Variants in ZNF630 observed in about 807,000 individuals in gnomAD.
ZNF630 encodes the protein dJ54B20.2 (novel KRAB box containing C2H2 type zinc finger protein).
Under a neutral mutation model 7.2 loss-of-function variants are expected in ZNF630, and 5 were observed. That is an observed-to-expected ratio of 0.70 (90% CI 0.36 to 1.46). The LOEUF (loss-of-function observed/expected upper bound fraction) is 1.46. Among genes scored for constraint, ZNF630 ranks in the 40% most tolerant of loss-of-function variants. The pLI, the probability that ZNF630 is intolerant of heterozygous loss-of-function variation, is 0.03. For missense variants in ZNF630, 461 were observed against 477.0 expected (o/e 0.97, Z 0.31); for synonymous variants, 158 against 162.8 (o/e 0.97, Z 0.23).
chrX:48,066,726 A>C (rs1556910142), intron 2 of ZNF630, 146 bp downstream of exon 2: 1 of 713,286 alleles, frequency 1.4e-6, no homozygotes, highest in Middle Eastern at 3.5e-4. Flanking sequence ...AGTTTCTATG[A>C]AGTAAGGCCA....
At chrX:48,066,017 G>A (rs182796064) in intron 2 of ZNF630, among the ~76,000 whole-genome samples, 46 of 111,240 alleles carry the variant, frequency 4.1e-4, no homozygotes, top group Admixed American at 2.1e-3. Context: ...CTCTACTTTC[G>A]TATATATTTT....
rs1244978731 is a variant in ZNF630, at chrX:48,066,995, GC to G, written c.-110del. ...CAACAGCTGGATGTGACAATGTGTT[GC>G]TTGTTAATTCATTGATGACTTGTGT... On this transcript the variant is annotated 5_prime_UTR_variant, in exon 2 of 5. Transcript: ENST00000276054. The G allele has an allele frequency of 1.9e-5, 16 of 863,750 alleles. No individual in the cohort carries two copies. The African/African-American group carries it at 2.4e-4, about 13-fold the overall frequency. 71.2% of individuals were successfully genotyped at this position (863,750 alleles called of 1,213,427 possible).
At position 48,059,133 on chromosome X, in the gene ZNF630, C is replaced by A; in HGVS notation, c.1309G>T (p.Gly437Trp). ...GEKPYKCGECGKTFCQQSHLI... is the reference protein window; with the variant it reads ...GEKPYKCGECWKTFCQQSHLI... ...TGGGACTGTTGGCAGAAAGTTTTCCCACATTCACCACACTTATAGGGCTTC... is the reference window on the plus strand; with the variant it reads ...TGGGACTGTTGGCAGAAAGTTTTCCAACATTCACCACACTTATAGGGCTTC... The change falls in exon 5 of 5, where the codon GGG becomes TGG. Residue 437 changes from glycine (G) to tryptophan (W), a missense_variant. Physicochemically the swap from Gly to Trp is radical, Grantham distance 184. Transcript: ENST00000276054. The A allele has an allele frequency of 8.3e-7, 1 of 1,208,267 alleles. No homozygotes were observed. The highest frequency in any genetic ancestry group is 3.0e-5 in the East Asian group (1 of 33,765).
rs1034836460 is a variant in ZNF630 at position 48,059,415 on chromosome X, C to T, written c.1027G>A (p.Gly343Arg). The T allele has an allele frequency of 3.3e-6, 4 of 1,208,015 alleles. No homozygotes were observed. Among genetic ancestry groups the T allele is most frequent in the Non-Finnish European group, 4.5e-6 (4 of 893,245 alleles). ...TCAAAACACTCATAGGGTTTCTCTC[C>T]AGTATGGACTCTCTGATGAACAGTG... Reference protein sequence around the residue: ...PFTVHQRVHTGEKPYECFECP... With the variant: ...PFTVHQRVHTREKPYECFECP... Residue 343 changes from glycine (G) to arginine (R), a missense_variant, in exon 5 of 5, where the codon GGA (glycine) becomes AGA (arginine). Physicochemically the swap from Gly to Arg is moderately radical, Grantham distance 125. Coordinates refer to ENST00000276054, the MANE Select transcript of ZNF630 (RefSeq NM_001282201.2).
In ZNF630 at chrX:48,060,101, G is replaced by T. The variant is rs782234216; in HGVS notation, c.341C>A (p.Ser114Tyr). 6 of 1,186,029 alleles carry T rather than the reference G, an allele frequency of 5.1e-6. No individual in the cohort carries two copies. In the Admixed American group the frequency reaches 1.4e-4, roughly 28 times the overall value. ...ERAPKDNSLY[S>Y]VLKIWHIDNQ... Reference sequence around the variant, plus strand: ...ATCAATATGCCAGATTTTTAAAACAGAGTACAATGAATTATCCTTTGGGGC... The same window carrying T: ...ATCAATATGCCAGATTTTTAAAACATAGTACAATGAATTATCCTTTGGGGC... Residue 114 changes from serine to tyrosine, a missense_variant, in exon 5 of 5, where the codon TCT (serine) becomes TAT (tyrosine). Transcript: ENST00000276054.
At chrX:48,061,048 G>T in intron 2 of ZNF630, 103 bp from the exon 3 acceptor site, 1 of 747,403 alleles carries the variant, frequency 1.3e-6, no homozygotes, top group Non-Finnish European at 1.9e-6. Flanking sequence ...TACTTTATGA[G>T]AGAAACAATG....
chrX:48,060,603 A>G, intron 3 of ZNF630, 58 bp from the exon 4 acceptor site: 1 of 1,056,904 alleles, frequency 9.5e-7, no homozygotes, highest in South Asian at 2.1e-5. Flanking sequence ...TCATGAAGAG[A>G]AGCACTTGCA....
In ZNF630 at chrX:48,067,325, C is replaced by T. The variant is rs59420042; in HGVS notation, c.-175-264G>A. Among the ~76,000 whole-genome samples the T allele has an allele frequency of 8.7e-3, 975 of 111,633 alleles. 26 individuals are homozygous for T. Among genetic ancestry groups the T allele is most frequent in the African/African-American group, 0.03 (906 of 30,637 alleles). On this transcript the variant is annotated intron_variant, in intron 1 of 4. Coordinates refer to ENST00000276054, the MANE Select transcript of ZNF630 (RefSeq NM_001282201.2). ...TTGAGATAATCATGAAAGTTTGAAC[C>T]CTGACTAGATATTTGATAACATTAA... is the stretch of plus-strand genomic sequence containing the variant.
chrX:48,069,464 T>C (rs1556910650), intron 1 of ZNF630, among the ~76,000 whole-genome samples: 1 of 111,094 alleles, frequency 9.0e-6, no homozygotes. Context: ...TGGTATTTAA[T>C]TTCCTTCACC....
At position 48,059,888 on chromosome X, in the gene ZNF630, A is replaced by G; in HGVS notation, c.554T>C (p.Leu185Ser). The G allele has an allele frequency of 1.7e-6, 2 of 1,207,959 alleles. No individual in the cohort carries two copies. Among genetic ancestry groups the G allele is most frequent in the Non-Finnish European group, 2.2e-6 (2 of 893,064 alleles). The change falls in exon 5 of 5, where the codon TTG becomes TCG. Residue 185 changes from leucine (L) to serine (S), a missense_variant. Coordinates refer to ENST00000276054, the MANE Select transcript of ZNF630 (RefSeq NM_001282201.2). The stretch of plus-strand genomic sequence containing the variant: ...ATTTAGTAAGTCTGAATTAGACTTC[A>G]AGCTATTTTCACATGAATCAAACTT... ...FHKFDSCENS[L>S]KSNSDLLNYN...
chrX:48,070,338 C>A (rs1337667750), intron 1 of ZNF630, among the ~76,000 whole-genome samples: 1 of 108,055 alleles, frequency 9.3e-6, no homozygotes, highest in African/African-American at 3.4e-5. Flanking sequence ...TGGCCGGGCA[C>A]GGTGGCTCAC....
chrX:48,059,102 A>G lies in ZNF630; in HGVS notation c.1340T>C (p.Ile447Thr), dbSNP rs781999560. ...GKTFCQQSHL[I>T]GHQRIHTGEK... ...TCCTGTATGAATTCTTTGATGTCCT[A>G]TGAGGTGGGACTGTTGGCAGAAAGT... The change falls in exon 5 of 5, where the codon ATA (isoleucine) becomes ACA (threonine). Residue 447 changes from isoleucine (I) to threonine (T), a missense_variant. Transcript: ENST00000276054. 13 of 1,206,864 alleles carry G rather than the reference A, an allele frequency of 1.1e-5. No homozygotes were observed. Among genetic ancestry groups the G allele is most frequent in the Middle Eastern group, 2.3e-4 (1 of 4,345 alleles).
At chrX:48,068,215 AAAGAAAAAAG>A (rs782242005) in intron 1 of ZNF630, among the ~76,000 whole-genome samples, 1,244 of 92,782 alleles carry the variant, frequency 0.013, 30 homozygotes, top group African/African-American at 0.049. Flanking sequence ...AAAGAAAAGA[AAAGAAAAAAG>A]AAAAGAAAAG....
rs781964728 is a variant in ZNF630, at chrX:48,069,152, A to G, written c.-175-2091T>C. ...GCTACTTGGCAGGCTGAGGCAGGAG[A>G]GTCACTTGAATCCGGGAGGCGGAGG... On this transcript the variant is annotated intron_variant, in intron 1 of 4. Transcript: ENST00000276054. Among the ~76,000 whole-genome samples the G allele has an allele frequency of 5.5e-5, 6 of 109,143 alleles. No homozygotes were observed. The East Asian group carries it at 1.7e-3, about 31-fold the overall frequency. 94.8% of individuals were successfully genotyped at this position (109,143 alleles called of 115,157 possible). A position where few individuals can be genotyped will look rare whatever the true frequency, so the allele number is the denominator to read the frequency against.
intron 2 of ZNF630, among the ~76,000 whole-genome samples, chrX:48,062,104 T>C (rs1481107682): frequency 8.9e-6 from 1 of 111,945 alleles, no homozygotes. Flanking sequence ...TCAAATGCTA[T>C]GACTAGGGAT....
rs202034946 is a variant in ZNF630 at position 48,059,201 on chromosome X, C to T, written c.1241G>A (p.Arg414Gln). The T allele has an allele frequency of 3.1e-4, 376 of 1,205,695 alleles. No homozygotes were observed. Among genetic ancestry groups the T allele is most frequent in the Non-Finnish European group, 4.0e-4 (355 of 892,496 alleles). Residue 414 changes from arginine to glutamine, a missense_variant, in exon 5 of 5, where the codon CGG becomes CAG. By Grantham distance (43) the Arg-to-Gln change is conservative (BLOSUM62 1). Transcript: ENST00000276054. ...CTGATGTATAATGAGCTGTGTTTTC[C>T]GAGGGAAGGTCTTCCCACATTCAGT... ...ECTECGKTFP[R>Q]KTQLIIHQRT...
At chrX:48,063,954 C>G (rs1391768676) in intron 2 of ZNF630, among the ~76,000 whole-genome samples, 2 of 111,018 alleles carry the variant, frequency 1.8e-5, no homozygotes, top group African/African-American at 6.6e-5. Context: ...TGCCTCTGAC[C>G]TAGCACACTC....
At position 48,059,393 on chromosome X, in the gene ZNF630, A is replaced by G. The variant is rs2059089225; in HGVS notation, c.1049T>C (p.Phe350Ser). 2.5e-6 allele frequency: 3 copies of G among 1,207,139 alleles called. No individual in the cohort carries two copies. Among genetic ancestry groups the G allele is most frequent in the South Asian group, 3.5e-5 (2 of 56,823 alleles). ...CTGGGAGAAAGCTTTTGGACACTCA[A>G]AACACTCATAGGGTTTCTCTCCAGT... ...VHTGEKPYEC[F>S]ECPKAFSQKS... is the part of the protein sequence containing the mutation. Residue 350 changes from phenylalanine (F) to serine (S), a missense_variant, in exon 5 of 5, where the codon TTT becomes TCT. Coordinates refer to ENST00000276054, the MANE Select transcript of ZNF630 (RefSeq NM_001282201.2).
chrX:48,063,039 C>A, intron 2 of ZNF630, among the ~76,000 whole-genome samples: 1 of 107,076 alleles, frequency 9.3e-6, no homozygotes, highest in African/African-American at 3.4e-5. Context: ...CAAGGAAGAT[C>A]TATATTAATT....
Sources: allele counts gnomAD v4.1 joint callset (sites outside exome capture counted in the v4.1 genomes callset), GRCh38; gene constraint gnomAD v4.1.1; transcripts MANE v1.5; gene names NCBI Gene and HGNC (gene_info 2026-07-23, HGNC 2026-07-21).